EPHA3: variants seen among roughly 807,000 people sequenced by gnomAD.
EPHA3 encodes EPH receptor A3.
A neutral mutation model predicts 107.1 loss-of-function variants in EPHA3; 42 were observed. The observed-to-expected ratio is 0.39, with a 90% CI of 0.31 to 0.51. The LOEUF is 0.51. EPHA3 is among the 20% of genes least tolerant of loss of function. The pLI is 0.78. For synonymous variants in EPHA3, 461 were observed against 424.8 expected, an observed-to-expected ratio of 1.09 and a Z score of -1.05; for missense variants, 1,183 against 1,211.2, an observed-to-expected ratio of 0.98 and a Z score of 0.35.
chr3:89,395,841 A>T lies in EPHA3; in HGVS notation c.1311A>T (p.Pro437=). ...CCTCCCATCCTCTCTTTACAGCTCC[A>T]TCACCTGTCCTGACGATTAAGAAAG... The part of the protein sequence containing the change: ...AVSITTNQAA[P]SPVLTIKKDR... Residue 437 remains proline (P), a synonymous_variant, in exon 6 of 17, where the codon CCA becomes CCT. Coordinates refer to ENST00000336596, the MANE Select transcript of EPHA3 (RefSeq NM_005233.6). 2 of 1,613,754 alleles carry T rather than the reference A, an allele frequency of 1.2e-6. No individual in the cohort carries two copies. The highest frequency in any genetic ancestry group is 1.7e-6 in the Non-Finnish European group (2 of 1,179,846).
intron 5 of EPHA3, among the ~76,000 whole-genome samples, chr3:89,361,667 C>T (rs918875767): frequency 2.0e-5 from 3 of 151,014 alleles, no homozygotes; most frequent in African/African-American, 7.3e-5. Flanking sequence ...TTTAAAGTTT[C>T]CTGGAGCTAA....
rs777757715 is a variant in EPHA3 at position 89,341,091 on chromosome 3, C to T, written c.970+20C>T. 1 of 1,606,206 alleles carries T rather than the reference C, an allele frequency of 6.2e-7. No individual in the cohort carries two copies. The highest frequency in any genetic ancestry group is 1.1e-5 in the South Asian group (1 of 89,932). ...GTACCCGTGAGTAGTTTTGCTGCAA[C>T]CCATGCCTCCATGTTTGTTTTGTTT... is the stretch of plus-strand genomic sequence containing the variant. On this transcript the variant is annotated intron_variant, in intron 4 of 16. Coordinates refer to ENST00000336596, the MANE Select transcript of EPHA3 (RefSeq NM_005233.6).
intron 1 of EPHA3, among the ~76,000 whole-genome samples, chr3:89,122,224 C>T (rs945050713): frequency 6.6e-6 from 1 of 152,144 alleles, no homozygotes; most frequent in African/African-American, 2.4e-5. Flanking sequence ...GGGACAATTA[C>T]AGTGATGGTG....
At chr3:89,107,859 C>G (rs377389977) in intron 1 of EPHA3, 23 bp downstream of exon 1, 2 of 1,608,862 alleles carry the variant, frequency 1.2e-6, no homozygotes, top group South Asian at 2.2e-5. Flanking sequence ...CCGCGACGCA[C>G]GGAGCTCTGC....
At chr3:89,355,713 A>T (rs1178288903) in intron 5 of EPHA3, among the ~76,000 whole-genome samples, 1 of 150,806 alleles carries the variant, frequency 6.6e-6, no homozygotes, top group Non-Finnish European at 1.5e-5. Flanking sequence ...TGTGACTGGG[A>T]AAGGGCTTGA....
At chr3:89,198,123 C>T (rs78977377) in intron 2 of EPHA3, among the ~76,000 whole-genome samples, 17,047 of 152,088 alleles carry the variant, frequency 0.11, 977 homozygotes, top group Middle Eastern at 0.18. Flanking sequence ...AACAGAAACT[C>T]CAGCAAGTGA....
At chr3:89,162,893 G>T (rs1189503413) in intron 2 of EPHA3, among the ~76,000 whole-genome samples, 2 of 152,196 alleles carry the variant, frequency 1.3e-5, no homozygotes, top group African/African-American at 4.8e-5. Context: ...AAGCTGCAGG[G>T]TGTCTGCTGA....
rs2107417725 is a variant in EPHA3 at position 89,341,074 on chromosome 3, G to A, written c.970+3G>A. On this transcript the variant is annotated splice_donor_region_variant and intron_variant, in intron 4 of 16. Coordinates refer to ENST00000336596, the MANE Select transcript of EPHA3 (RefSeq NM_005233.6). The stretch of plus-strand genomic sequence containing the variant: ...CCCTCCATCCATGGCTTGTACCCGT[G>A]AGTAGTTTTGCTGCAACCCATGCCT... 1 of 1,611,472 alleles carries A rather than the reference G, an allele frequency of 6.2e-7. No homozygotes were observed. Among genetic ancestry groups the A allele is most frequent in the Non-Finnish European group, 8.5e-7 (1 of 1,179,186 alleles).
rs541732697 is a variant in EPHA3, at chr3:89,193,530, C to T, written c.154-16330C>T. On this transcript the variant is annotated intron_variant, in intron 2 of 16. Transcript: ENST00000336596. ...GCTAGTGTTTTATACTGCAGGATAG[C>T]TACCGTTAACAATAAAATATTATAT... is the stretch of plus-strand genomic sequence containing the variant. Among the ~76,000 whole-genome samples the T allele has an allele frequency of 2.6e-5, 4 of 151,936 alleles. No individual in the cohort carries two copies. The South Asian group carries it at 8.3e-4, about 32-fold the overall frequency.
At chr3:89,256,572 GAAATAAAT>G (rs370171364) in intron 3 of EPHA3, among the ~76,000 whole-genome samples, 1,990 of 148,656 alleles carry the variant, frequency 0.013, 33 homozygotes, top group African/African-American at 0.045. Context: ...CAAAAATAAG[GAAATAAAT>G]AAATAAATAA....
chr3:89,214,937 C>G (rs1213254586), intron 3 of EPHA3, among the ~76,000 whole-genome samples: 1 of 151,828 alleles, frequency 6.6e-6, no homozygotes, highest in Non-Finnish European at 1.5e-5. Context: ...AAATGTTAAG[C>G]CTAGGTTTTG....
At chr3:89,267,902 T>G (rs1015375660) in intron 3 of EPHA3, among the ~76,000 whole-genome samples, 1 of 152,176 alleles carries the variant, frequency 6.6e-6, no homozygotes, top group Non-Finnish European at 1.5e-5. Context: ...GATAACATTT[T>G]ATTTTAAAAC....
chr3:89,265,580 G>A (rs1160208730), intron 3 of EPHA3, among the ~76,000 whole-genome samples: 1 of 152,024 alleles, frequency 6.6e-6, no homozygotes. Flanking sequence ...TTAGGATAAA[G>A]CAGTTTAACA....
chr3:89,334,146 T>C (rs193006322), intron 3 of EPHA3, among the ~76,000 whole-genome samples: 11 of 152,182 alleles, frequency 7.2e-5, no homozygotes, highest in African/African-American at 2.4e-4. Flanking sequence ...AGTTTTATTA[T>C]GTTATTGGTT....
rs139463269 is a variant in EPHA3, at chr3:89,372,096, A to G, written c.1307-23741A>G. Among the ~76,000 whole-genome samples, 163 of 151,832 alleles carry G rather than the reference A, an allele frequency of 1.1e-3. 2 individuals carry two copies. Among genetic ancestry groups the G allele is most frequent in the Admixed American group, 2.0e-3 (31 of 15,202 alleles). The stretch of plus-strand genomic sequence containing the variant: ...TAAGTTTCTGCATAACTGATCATCA[A>G]TCTGGTCTGAAACATTCCGATAAAA... On this transcript the variant is annotated intron_variant, in intron 5 of 16. Transcript: ENST00000336596.
chr3:89,461,085 T>C (rs1710229054), intron 15 of EPHA3, among the ~76,000 whole-genome samples: 1 of 102,468 alleles, frequency 9.8e-6, no homozygotes, highest in Non-Finnish European at 1.9e-5. Flanking sequence ...TGTTTGGTTT[T>C]TTATTCTTGC....
intron 5 of EPHA3, among the ~76,000 whole-genome samples, chr3:89,370,800 G>T (rs560773084): frequency 5.9e-4 from 90 of 151,734 alleles, no homozygotes; most frequent in South Asian, 3.1e-3. Flanking sequence ...CAGGAAGAAA[G>T]TATAGGAGAA....
chr3:89,357,442 T>C (rs1277992381), intron 5 of EPHA3, among the ~76,000 whole-genome samples: 3 of 151,166 alleles, frequency 2.0e-5, no homozygotes, highest in Admixed American at 6.6e-5. Context: ...ATACCATAGA[T>C]ATTTTAAAGA....
intron 5 of EPHA3, among the ~76,000 whole-genome samples, chr3:89,369,895 C>G (rs959907372): frequency 1.3e-5 from 2 of 150,612 alleles, no homozygotes; most frequent in African/African-American, 4.9e-5. Flanking sequence ...AGCCAAAAAA[C>G]ACATGAAAAA....
Sources: gnomAD v4.1 joint callset for allele counts (sites outside exome capture counted in the v4.1 genomes callset) on GRCh38, gnomAD v4.1.1 for gene constraint, MANE v1.5 for transcripts, NCBI Gene and HGNC (gene_info 2026-07-23, HGNC 2026-07-21) for gene names.